Variants in SH3RF3 observed in about 807,000 individuals in gnomAD.
The protein encoded by SH3RF3 is SH3 domain containing ring finger 3.
Under a neutral mutation model 66.3 loss-of-function variants are expected in SH3RF3, and 29 were observed. The ratio of observed to expected loss-of-function variants is 0.44; its 90% CI spans 0.33 to 0.60. The LOEUF is 0.60. Among genes scored for constraint, SH3RF3 ranks in the 20% least tolerant of loss-of-function variants. SH3RF3 has a pLI of 0.04. For synonymous variants in SH3RF3, 583 were observed against 532.0 expected (o/e 1.10, Z -1.32); for missense variants, 1,194 against 1,190.9 (o/e 1.00, Z -0.04).
intron 1 of SH3RF3, among the ~76,000 whole-genome samples, chr2:109,211,628 G>A (rs1010799237): frequency 2.0e-5 from 3 of 150,500 alleles, no homozygotes; most frequent in Admixed American, 6.7e-5. Context: ...TGAGCCCTTC[G>A]GCCCTTCCTG....
At chr2:109,401,309 G>A (rs1198324646) in intron 4 of SH3RF3, among the ~76,000 whole-genome samples, 2 of 152,210 alleles carry the variant, frequency 1.3e-5, no homozygotes, top group Admixed American at 6.5e-5. Flanking sequence ...AGTTGCAGCA[G>A]GTTTGAGGGG....
At chr2:109,357,535 C>G (rs1385103965) in intron 2 of SH3RF3, among the ~76,000 whole-genome samples, 1 of 152,196 alleles carries the variant, frequency 6.6e-6, no homozygotes, top group African/African-American at 2.4e-5. Context: ...GCTCCTGTGC[C>G]TCTGACAGTT....
At chr2:109,423,888 G>A (rs561275403) in intron 5 of SH3RF3, among the ~76,000 whole-genome samples, 53 of 152,348 alleles carry the variant, frequency 3.5e-4, no homozygotes, top group African/African-American at 1.3e-3. Context: ...GCACAGCTGG[G>A]ACCCCAAGCA....
At chr2:109,398,284 G>A (rs1013908134) in intron 3 of SH3RF3, among the ~76,000 whole-genome samples, 5 of 152,156 alleles carry the variant, frequency 3.3e-5, no homozygotes, top group African/African-American at 7.2e-5. Context: ...AGGCGGCACC[G>A]TGCATCCCAG....
At chr2:109,215,448 C>T (rs964832318) in intron 1 of SH3RF3, among the ~76,000 whole-genome samples, 5 of 152,118 alleles carry the variant, frequency 3.3e-5, no homozygotes, top group Non-Finnish European at 5.9e-5. Flanking sequence ...GACCCCTCCT[C>T]AAGCCACTTT....
intron 5 of SH3RF3, among the ~76,000 whole-genome samples, chr2:109,426,975 TATA>T (rs199654145): frequency 1.1e-3 from 114 of 106,030 alleles, no homozygotes; most frequent in African/African-American, 4.7e-3. Flanking sequence ...TATATATATA[TATA>T]TTTTTTTTTG....
At chr2:109,133,441 G>A (rs920839495) in intron 1 of SH3RF3, among the ~76,000 whole-genome samples, 2 of 152,168 alleles carry the variant, frequency 1.3e-5, no homozygotes, top group African/African-American at 4.8e-5. Flanking sequence ...AAGCATACAC[G>A]TGTATGATTC....
chr2:109,292,941 A>G lies in SH3RF3; in HGVS notation c.574-54733A>G, dbSNP rs145839395. On this transcript the variant is annotated intron_variant, in intron 1 of 9. Transcript: ENST00000309415. ...GAGACAGGGTTTCACCATGTTGGTC[A>G]GGCTGGTCTCGAACTCCTGACTTCA... Among the ~76,000 whole-genome samples the G allele has an allele frequency of 5.3e-4, 81 of 152,300 alleles. 1 individual carries two copies. In the East Asian group the frequency reaches 0.011, roughly 21 times the overall value.
At chr2:109,300,025 A>C (rs950986185) in intron 1 of SH3RF3, among the ~76,000 whole-genome samples, 2 of 152,320 alleles carry the variant, frequency 1.3e-5, no homozygotes, top group South Asian at 4.1e-4. Flanking sequence ...AAGGCACTGC[A>C]CAGTGCCCAG....
In SH3RF3 at chr2:109,501,945, G is replaced by A. The variant is rs957787441; in HGVS notation, c.*274G>A. The A allele has an allele frequency of 9.8e-6, 4 of 406,678 alleles. No individual in the cohort carries two copies. The highest frequency in any genetic ancestry group is 1.8e-5 in the Non-Finnish European group (4 of 222,348). 25.2% of individuals were successfully genotyped at this position (406,678 alleles called of 1,614,324 possible). On this transcript the variant is annotated 3_prime_UTR_variant, in exon 10 of 10. Coordinates refer to ENST00000309415, the MANE Select transcript of SH3RF3 (RefSeq NM_001099289.3). ...GAAAGCACCTTGAGGAAGAGAGGCA[G>A]GTGCCGGCGCAGGCAGGCCTGTGGC...
intron 1 of SH3RF3, among the ~76,000 whole-genome samples, chr2:109,144,597 T>G (rs763163786): frequency 1.3e-5 from 2 of 152,258 alleles, no homozygotes; most frequent in African/African-American, 2.4e-5. Flanking sequence ...CTTTGTTTGA[T>G]TTTTAAACCT....
At chr2:109,144,417 C>A (rs1677043804) in intron 1 of SH3RF3, among the ~76,000 whole-genome samples, 1 of 152,184 alleles carries the variant, frequency 6.6e-6, no homozygotes, top group Non-Finnish European at 1.5e-5. Context: ...GCAGACCTAG[C>A]TTTCACCATG....
chr2:109,367,792 A>G (rs2105662044), intron 2 of SH3RF3, among the ~76,000 whole-genome samples: 2 of 152,174 alleles, frequency 1.3e-5, no homozygotes, highest in South Asian at 2.1e-4. Flanking sequence ...TGCACACTTG[A>G]TTTTTCTTAG....
At chr2:109,428,385 C>T (rs573384395) in intron 5 of SH3RF3, among the ~76,000 whole-genome samples, 1 of 152,350 alleles carries the variant, frequency 6.6e-6, no homozygotes, top group South Asian at 2.1e-4. Flanking sequence ...TATGGGTAAG[C>T]GAAGGCTGTG....
At chr2:109,271,360 T>G (rs538098344) in intron 1 of SH3RF3, among the ~76,000 whole-genome samples, 65 of 152,290 alleles carry the variant, frequency 4.3e-4, no homozygotes, top group African/African-American at 1.6e-3. Flanking sequence ...TAGAGGGATG[T>G]GCAAAGAAAA....
chr2:109,484,571 C>T (rs1559108212), intron 8 of SH3RF3, among the ~76,000 whole-genome samples: 1 of 152,214 alleles, frequency 6.6e-6, no homozygotes, highest in South Asian at 2.1e-4. Context: ...TACCTCCTGC[C>T]CTATCAGCTA....
At chr2:109,371,480 C>T in intron 2 of SH3RF3, 106 bp from the exon 3 acceptor site, 1 of 840,708 alleles carries the variant, frequency 1.2e-6, no homozygotes. Flanking sequence ...TGAACTCATT[C>T]CTTGGAATCT....
chr2:109,317,800 T>G (rs1490691448), intron 1 of SH3RF3, among the ~76,000 whole-genome samples: 1 of 152,210 alleles, frequency 6.6e-6, no homozygotes, highest in Non-Finnish European at 1.5e-5. Flanking sequence ...TAACTGGGGA[T>G]GTATCCTAGG....
intron 1 of SH3RF3, among the ~76,000 whole-genome samples, chr2:109,159,179 C>A (rs1343911934): frequency 1.3e-5 from 2 of 152,216 alleles, no homozygotes; most frequent in Non-Finnish European, 2.9e-5. Flanking sequence ...GACTCAGGTA[C>A]AGAGCAGGGT....
Sources: allele counts gnomAD v4.1 joint callset (sites outside exome capture counted in the v4.1 genomes callset), GRCh38; gene constraint gnomAD v4.1.1; transcripts MANE v1.5; gene names NCBI Gene and HGNC (gene_info 2026-07-23, HGNC 2026-07-21).